Variants in MDGA2 observed in about 807,000 individuals in gnomAD.
The protein encoded by MDGA2 is MAM domain-containing glycosylphosphatidylinositol anchor protein 2.
Under a neutral mutation model 117.8 loss-of-function variants are expected in MDGA2, and 40 were observed. The observed-to-expected ratio is 0.34, with a 90% CI of 0.26 to 0.44. MDGA2 has a LOEUF of 0.44. Ranked by LOEUF, MDGA2 falls within the 20% of genes least tolerant of loss-of-function variation. The pLI is 1.00. For missense variants in MDGA2, 1,123 were observed against 1,250.6 expected (o/e 0.90, Z 1.54); for synonymous variants, 452 against 439.0 (o/e 1.03, Z -0.37).
At chr14:47,383,983 T>TAGATAGATA (rs146001618) in intron 1 of MDGA2, among the ~76,000 whole-genome samples, 3 of 141,674 alleles carry the variant, frequency 2.1e-5, no homozygotes, top group South Asian at 2.4e-4. Context: ...AATAGATAGA[T>TAGATAGATA]GATAGATAGA....
chr14:47,034,943 T>C lies in MDGA2; in HGVS notation c.1819+68A>G, dbSNP rs140232761. On this transcript the variant is annotated intron_variant, in intron 8 of 16. Transcript: ENST00000399232. ...AGTTACAAAAATCACCTCATATTAA[T>C]AGTAGAATAATGGTAACACTTCTTC... is the stretch of plus-strand genomic sequence containing the variant. 184 of 1,391,434 alleles carry C rather than the reference T, an allele frequency of 1.3e-4. 2 individuals are homozygous for C. In the African/African-American group the frequency reaches 2.3e-3, roughly 18 times the overall value. 86.2% of individuals were successfully genotyped at this position (1,391,434 alleles called of 1,614,324 possible).
intron 1 of MDGA2, among the ~76,000 whole-genome samples, chr14:47,511,922 C>T (rs571175106): frequency 1.3e-5 from 2 of 152,120 alleles, no homozygotes; most frequent in African/African-American, 2.4e-5. Context: ...CTCAAAGAAA[C>T]AGGGGTTTGT....
At chr14:47,169,666 C>T (rs889564745) in intron 3 of MDGA2, among the ~76,000 whole-genome samples, 2 of 151,914 alleles carry the variant, frequency 1.3e-5, no homozygotes, top group East Asian at 1.9e-4. Context: ...CTAGCATTAG[C>T]TTAAAAACTG....
intron 1 of MDGA2, among the ~76,000 whole-genome samples, chr14:47,397,351 G>A (rs1023002315): frequency 6.6e-6 from 1 of 152,076 alleles, no homozygotes; most frequent in African/African-American, 2.4e-5. Context: ...CTAGGGGAGG[G>A]ATAGCATTAG....
At chr14:47,641,518 C>T (rs947825693) in intron 1 of MDGA2, among the ~76,000 whole-genome samples, 2 of 151,986 alleles carry the variant, frequency 1.3e-5, no homozygotes. Flanking sequence ...AGAGAAGATC[C>T]AGTGAAAGAG....
chr14:47,033,637 T>A (rs1888739645), intron 8 of MDGA2, among the ~76,000 whole-genome samples: 1 of 152,194 alleles, frequency 6.6e-6, no homozygotes, highest in South Asian at 2.1e-4. Context: ...AATATTAAAC[T>A]GCTGAATGAA....
chr14:47,651,549 T>C (rs1897645051), intron 1 of MDGA2, among the ~76,000 whole-genome samples: 1 of 152,070 alleles, frequency 6.6e-6, no homozygotes, highest in Non-Finnish European at 1.5e-5. Context: ...TGAATGGCTT[T>C]CAAATCAGAA....
At chr14:47,057,598 T>C (rs1300980962) in intron 7 of MDGA2, among the ~76,000 whole-genome samples, 5 of 84,180 alleles carry the variant, frequency 5.9e-5, no homozygotes. Flanking sequence ...GGCCTCTCTT[T>C]TCTTCTTTCC....
chr14:47,410,260 A>G (rs1892345341), intron 1 of MDGA2, among the ~76,000 whole-genome samples: 1 of 152,168 alleles, frequency 6.6e-6, no homozygotes, highest in African/African-American at 2.4e-5. Flanking sequence ...TTTACTTAAG[A>G]GGATGATAAA....
intron 2 of MDGA2, among the ~76,000 whole-genome samples, chr14:47,296,456 T>G (rs1159396083): frequency 1.3e-5 from 2 of 152,124 alleles, no homozygotes; most frequent in Non-Finnish European, 2.9e-5. Context: ...TACAAGAAGA[T>G]AAGCAGCAAA....
intron 1 of MDGA2, among the ~76,000 whole-genome samples, chr14:47,636,099 A>C (rs1163265049): frequency 6.6e-6 from 1 of 152,154 alleles, no homozygotes; most frequent in Non-Finnish European, 1.5e-5. Flanking sequence ...CTTGCCAGTA[A>C]AGGACAAATA....
rs549959780 is a variant in MDGA2 at position 47,534,854 on chromosome 14, G to GT, written c.280+139662dup. Among the ~76,000 whole-genome samples the GT allele has an allele frequency of 2.2e-4, 34 of 152,254 alleles. No homozygotes were observed. The South Asian group carries it at 6.4e-3, about 29-fold the overall frequency. Reference sequence around the variant, plus strand: ...AAACATATAATGGAAAACCTCCCCAGTAACTCCCAGACTATCTGGAGAGAA... The same window carrying GT: ...AAACATATAATGGAAAACCTCCCCAGTTAACTCCCAGACTATCTGGAGAGAA... On this transcript the variant is annotated intron_variant, in intron 1 of 16. Transcript: ENST00000399232.
chr14:47,294,127 G>A (rs1191703766), intron 2 of MDGA2, among the ~76,000 whole-genome samples: 1 of 42,880 alleles, frequency 2.3e-5, no homozygotes, highest in Non-Finnish European at 4.8e-5. Flanking sequence ...TTTTTTTTTT[G>A]AGACAGGCTT....
chr14:47,426,728 C>T (rs978100093), intron 1 of MDGA2, among the ~76,000 whole-genome samples: 36 of 148,014 alleles, frequency 2.4e-4, no homozygotes, highest in African/African-American at 6.6e-4. Flanking sequence ...ATGTATCTCA[C>T]GCAGTGAACA....
intron 1 of MDGA2, among the ~76,000 whole-genome samples, chr14:47,320,618 C>A (rs1781883573): frequency 6.6e-6 from 1 of 152,196 alleles, no homozygotes; most frequent in Admixed American, 6.6e-5. Flanking sequence ...CTCCTCCCTT[C>A]CTTTCTTCCT....
intron 8 of MDGA2, among the ~76,000 whole-genome samples, chr14:47,029,189 A>G (rs1005839068): frequency 1.3e-5 from 2 of 152,050 alleles, no homozygotes; most frequent in Non-Finnish European, 2.9e-5. Context: ...TTGAATATTC[A>G]TTTAGATTAA....
intron 1 of MDGA2, among the ~76,000 whole-genome samples, chr14:47,357,872 G>C (rs1366697117): frequency 6.6e-6 from 1 of 152,086 alleles, no homozygotes; most frequent in African/African-American, 2.4e-5. Context: ...TAACTTTAGG[G>C]GGACTCAATG....
At chr14:46,885,126 C>T (rs1297049705) in intron 10 of MDGA2, among the ~76,000 whole-genome samples, 1 of 151,906 alleles carries the variant, frequency 6.6e-6, no homozygotes, top group African/African-American at 2.4e-5. Flanking sequence ...GGATTACAGG[C>T]GTAAGTCACC....
intron 1 of MDGA2, among the ~76,000 whole-genome samples, chr14:47,581,827 C>T (rs988553346): frequency 1.3e-5 from 2 of 151,856 alleles, no homozygotes; most frequent in African/African-American, 2.4e-5. Context: ...TGTTAGTTAG[C>T]GCTTTCTAGC....
Sources: gnomAD v4.1 joint callset for allele counts (sites outside exome capture counted in the v4.1 genomes callset) on GRCh38, gnomAD v4.1.1 for gene constraint, MANE v1.5 for transcripts, NCBI Gene and HGNC (gene_info 2026-07-23, HGNC 2026-07-21) for gene names.